The following EPHA3 variants were observed in gnomAD, a reference collection of about 807,000 sequenced individuals.
EPHA3 encodes the protein EPH receptor A3, also known as ephrin type-A receptor 3.
In EPHA3, 42 loss-of-function variants were observed where a neutral mutation model predicts 107.1. The ratio of observed to expected loss-of-function variants is 0.39; its 90% CI spans 0.31 to 0.51. The LOEUF (loss-of-function observed/expected upper bound fraction) is 0.51, where lower values mean the gene tolerates loss of function less well. Among genes scored for constraint, EPHA3 ranks in the 20% least tolerant of loss-of-function variants. EPHA3 has a pLI of 0.78. For synonymous variants in EPHA3, 461 were observed against 424.8 expected, an observed-to-expected ratio of 1.09 and a Z score of -1.05; for missense variants, 1,183 against 1,211.2, an observed-to-expected ratio of 0.98 and a Z score of 0.35.
intron 11 of EPHA3, among the ~76,000 whole-genome samples, chr3:89,423,027 C>T (rs1196650954): frequency 6.6e-6 from 1 of 151,314 alleles, no homozygotes; most frequent in Non-Finnish European, 1.5e-5. Context: ...AGAACTTGTT[C>T]TTAGCAAATG....
intron 3 of EPHA3, among the ~76,000 whole-genome samples, chr3:89,293,736 G>A (rs6809903): frequency 3.5e-4 from 53 of 152,068 alleles, no homozygotes; most frequent in Admixed American, 3.5e-3. Flanking sequence ...TTCGTCTACT[G>A]CCACGATTGT....
chr3:89,362,441 G>A lies in EPHA3; in HGVS notation c.1306+20351G>A, dbSNP rs1243404730. Among the ~76,000 whole-genome samples, 15 of 151,000 alleles carry A rather than the reference G, an allele frequency of 9.9e-5. 1 individual carries two copies. Among genetic ancestry groups the A allele is most frequent in the Admixed American group, 2.7e-4 (4 of 15,038 alleles). On this transcript the variant is annotated intron_variant, in intron 5 of 16. Coordinates refer to ENST00000336596, the MANE Select transcript of EPHA3 (RefSeq NM_005233.6). ...GTCTTTCTATTGCAGTTGGCGCCAGGCAGCTGCTTTTACTTTCTGTATTTC... is the reference window on the plus strand; with the variant it reads ...GTCTTTCTATTGCAGTTGGCGCCAGACAGCTGCTTTTACTTTCTGTATTTC...
intron 3 of EPHA3, among the ~76,000 whole-genome samples, chr3:89,226,867 A>T (rs1704514271): frequency 6.6e-6 from 1 of 152,086 alleles, no homozygotes; most frequent in Non-Finnish European, 1.5e-5. Context: ...GATTACTGAG[A>T]CTTAATCACA....
intron 5 of EPHA3, among the ~76,000 whole-genome samples, chr3:89,342,344 G>A (rs1707548524): frequency 6.6e-6 from 1 of 151,754 alleles, no homozygotes; most frequent in Non-Finnish European, 1.5e-5. Context: ...AATATTTGAG[G>A]CTCTCAGATA....
In EPHA3 at chr3:89,409,809, G is replaced by T. The variant is rs79706290; in HGVS notation, c.1762+1678G>T. ...CCTATAATATTGCTTCAAAAGGAAA[G>T]AAATGTGTTTCACCTCCTAAGATCC... On this transcript the variant is annotated intron_variant, in intron 9 of 16. Transcript: ENST00000336596. 1.8e-4 allele frequency among the ~76,000 whole-genome samples: 27 copies of T among 152,166 alleles called. No homozygotes were observed. In the East Asian group the frequency reaches 5.0e-3, roughly 28 times the overall value.
intron 2 of EPHA3, among the ~76,000 whole-genome samples, chr3:89,199,858 T>TTCTG (rs1705929978): frequency 1.3e-5 from 2 of 152,234 alleles, no homozygotes; most frequent in Non-Finnish European, 2.9e-5. Context: ...AAAAGCACAC[T>TTCTG]TCTGTCTGTA....
intron 3 of EPHA3, among the ~76,000 whole-genome samples, chr3:89,331,431 A>C (rs1178563521): frequency 1.3e-5 from 2 of 152,208 alleles, no homozygotes; most frequent in East Asian, 3.9e-4. Context: ...TGAGAATAGC[A>C]TAACTTATTT....
intron 2 of EPHA3, among the ~76,000 whole-genome samples, chr3:89,129,907 A>T (rs1008647264): frequency 6.6e-5 from 10 of 152,202 alleles, no homozygotes; most frequent in African/African-American, 1.9e-4. Context: ...AATTAACTCT[A>T]ATAACTGGCA....
intron 5 of EPHA3, among the ~76,000 whole-genome samples, chr3:89,364,838 TC>T (rs1708158432): frequency 6.6e-6 from 1 of 151,068 alleles, no homozygotes. Flanking sequence ...TACTGAGTTA[TC>T]TTTTCTTCTG....
intron 13 of EPHA3, among the ~76,000 whole-genome samples, chr3:89,438,459 C>G (rs939010753): frequency 2.0e-5 from 3 of 151,968 alleles, no homozygotes; most frequent in African/African-American, 7.3e-5. Context: ...AGTGGCTAAG[C>G]AAGTGGTTAA....
chr3:89,309,484 A>G (rs1706714812), intron 3 of EPHA3, among the ~76,000 whole-genome samples: 1 of 152,080 alleles, frequency 6.6e-6, no homozygotes, highest in African/African-American at 2.4e-5. Context: ...TCTGAGTTTT[A>G]GCCTCTCAAA....
At chr3:89,211,718 TCTTCTTTTTCTTCTTCTTCTTCTC>T (rs1353510855) in intron 3 of EPHA3, among the ~76,000 whole-genome samples, 30 of 144,366 alleles carry the variant, frequency 2.1e-4, no homozygotes, top group African/African-American at 2.3e-4. Context: ...CTCTTCCTCT[TCTTCTTTTTCTTCTTCTTCTTCTC>T]CTTCTTCTTC....
chr3:89,345,066 C>CT (rs201960963), intron 5 of EPHA3, among the ~76,000 whole-genome samples: 1,814 of 150,446 alleles, frequency 0.012, 46 homozygotes, highest in African/African-American at 0.041. Context: ...GTATATTCAT[C>CT]TTTTTTTTTC....
intron 3 of EPHA3, among the ~76,000 whole-genome samples, chr3:89,273,243 T>C (rs1049625481): frequency 6.6e-6 from 1 of 151,966 alleles, no homozygotes; most frequent in African/African-American, 2.4e-5. Context: ...TGGAAATGCT[T>C]GTAAATACCT....
At position 89,271,310 on chromosome 3, in the gene EPHA3, G is replaced by A. The variant is rs964810362; in HGVS notation, c.814+60790G>A. On this transcript the variant is annotated intron_variant, in intron 3 of 16. Transcript: ENST00000336596. ...AGCTAGAAATGGCAATGTAAAGTGG[G>A]GTTTGTTAAAATGTGAAGAAAGTAT... Among the ~76,000 whole-genome samples, 41 of 152,096 alleles carry A rather than the reference G, an allele frequency of 2.7e-4. 1 individual carries two copies. Among genetic ancestry groups the A allele is most frequent in the African/African-American group, 7.9e-4 (33 of 41,530 alleles).
At chr3:89,312,311 CG>C (rs914134945) in intron 3 of EPHA3, among the ~76,000 whole-genome samples, 1 of 149,302 alleles carries the variant, frequency 6.7e-6, no homozygotes, top group African/African-American at 2.5e-5. Flanking sequence ...TTGGGGAAGA[CG>C]TTTTTTAGAG....
At chr3:89,293,894 A>G (rs2175670) in intron 3 of EPHA3, among the ~76,000 whole-genome samples, 39,650 of 152,070 alleles carry the variant, frequency 0.26, 5,474 homozygotes, top group African/African-American at 0.29. Context: ...CTGTAGTTGT[A>G]GTGTGAAAGC....
At chr3:89,322,389 T>G (rs1228588695) in intron 3 of EPHA3, among the ~76,000 whole-genome samples, 4 of 152,100 alleles carry the variant, frequency 2.6e-5, no homozygotes, top group African/African-American at 9.7e-5. Flanking sequence ...GAGGAGACAT[T>G]GGTCAGTGTC....
At chr3:89,418,038 A>T (rs531065760) in intron 10 of EPHA3, among the ~76,000 whole-genome samples, 20 of 151,280 alleles carry the variant, frequency 1.3e-4, no homozygotes, top group Non-Finnish European at 2.7e-4. Flanking sequence ...TGTGGTTCAA[A>T]CCACTTGCTT....
Sources: allele counts gnomAD v4.1 joint callset (sites outside exome capture counted in the v4.1 genomes callset), GRCh38; gene constraint gnomAD v4.1.1; transcripts MANE v1.5; gene names NCBI Gene and HGNC (gene_info 2026-07-23, HGNC 2026-07-21).